WWOX: variants seen among roughly 807,000 people sequenced by gnomAD.
The protein encoded by WWOX is WW domain containing oxidoreductase.
In WWOX, 69 loss-of-function variants were observed where a neutral mutation model predicts 46.2. The ratio of observed to expected loss-of-function variants is 1.49; its 90% CI spans 1.23 to 1.82. The LOEUF (loss-of-function observed/expected upper bound fraction) is 1.82. Among genes scored for constraint, WWOX ranks in the 40% most tolerant of loss-of-function variants. WWOX has a pLI of 0.00. For synonymous variants in WWOX, 359 were observed against 202.6 expected (o/e 1.77, Z -6.56); for missense variants, 919 against 542.6 (o/e 1.69, Z -6.89).
intron 5 of WWOX, among the ~76,000 whole-genome samples, chr16:78,365,894 A>G (rs1168805714): frequency 2.0e-5 from 3 of 152,054 alleles, no homozygotes; most frequent in African/African-American, 2.4e-5. Flanking sequence ...TTATTTTGTT[A>G]TTGTTGTTTT....
intron 8 of WWOX, among the ~76,000 whole-genome samples, chr16:78,633,491 T>C (rs1299956269): frequency 1.3e-5 from 2 of 152,180 alleles, no homozygotes; most frequent in East Asian, 1.9e-4. Context: ...TTCAGAACTT[T>C]GGTTAGGTCC....
At position 78,488,539 on chromosome 16, in the gene WWOX, G is replaced by C. The variant is rs1353894771; in HGVS notation, c.1056+55787G>C. ...CCATTGTGGCATCTGCACATGAGCA[G>C]ACTGACTGCTTTTTGGCCCTACCTG... On this transcript the variant is annotated intron_variant, in intron 8 of 8. Transcript: ENST00000566780. Among the ~76,000 whole-genome samples the C allele has an allele frequency of 2.0e-5, 3 of 152,168 alleles. No homozygotes were observed. In the East Asian group the frequency reaches 5.8e-4, roughly 29 times the overall value.
At position 79,160,451 on chromosome 16, in the gene WWOX, T is replaced by C. The variant is rs57725330; in HGVS notation, c.1057-51157T>C. Among the ~76,000 whole-genome samples the C allele has an allele frequency of 3.0e-3, 454 of 152,082 alleles. 2 individuals are homozygous for C. Among genetic ancestry groups the C allele is most frequent in the African/African-American group, 0.01 (432 of 41,458 alleles). Reference sequence around the variant, plus strand: ...GATCTCATCATCTGTAAAACAGAGATCAGATGAACCCTCGATATTAATATC... The same window carrying C: ...GATCTCATCATCTGTAAAACAGAGACCAGATGAACCCTCGATATTAATATC... On this transcript the variant is annotated intron_variant, in intron 8 of 8. Transcript: ENST00000566780.
intron 8 of WWOX, among the ~76,000 whole-genome samples, chr16:78,506,338 C>T (rs1259800895): frequency 6.6e-6 from 1 of 152,170 alleles, no homozygotes; most frequent in Admixed American, 6.5e-5. Flanking sequence ...CTTAGCCACT[C>T]TATAAAAATG....
intron 8 of WWOX, chr16:79,004,870 T>C (rs1430859561): frequency 6.6e-6 from 1 of 152,216 alleles, no homozygotes; most frequent in African/African-American, 2.4e-5. Context: ...TGTGAGATTT[T>C]ATTATTTGTA....
chr16:79,090,010 G>A (rs1200202944), intron 8 of WWOX: 1 of 152,146 alleles, frequency 6.6e-6, no homozygotes, highest in East Asian at 1.9e-4. Flanking sequence ...AAGCGGTTAA[G>A]GAACTGGCTT....
At chr16:79,193,758 A>AT (rs1445740940) in intron 8 of WWOX, among the ~76,000 whole-genome samples, 3 of 152,204 alleles carry the variant, frequency 2.0e-5, no homozygotes, top group Non-Finnish European at 4.4e-5. Flanking sequence ...GGATACCTGA[A>AT]GATTGCAAAG....
At chr16:78,615,067 C>T (rs2045988707) in intron 8 of WWOX, among the ~76,000 whole-genome samples, 1 of 152,102 alleles carries the variant, frequency 6.6e-6, no homozygotes, top group Non-Finnish European at 1.5e-5. Context: ...AGGGGGTGTT[C>T]CTGAGTCTGG....
intron 8 of WWOX, among the ~76,000 whole-genome samples, chr16:78,852,024 C>G (rs1382620809): frequency 6.6e-6 from 1 of 152,082 alleles, no homozygotes; most frequent in Non-Finnish European, 1.5e-5. Flanking sequence ...AATACTGGCC[C>G]CACAATCAAG....
chr16:79,070,227 A>G (rs2048523085), intron 8 of WWOX, among the ~76,000 whole-genome samples: 1 of 151,824 alleles, frequency 6.6e-6, no homozygotes, highest in African/African-American at 2.4e-5. Context: ...TTGGTCTGAG[A>G]GAACATCATG....
chr16:78,119,786 A>G (rs1023700020), intron 4 of WWOX, among the ~76,000 whole-genome samples: 1 of 152,088 alleles, frequency 6.6e-6, no homozygotes, highest in Admixed American at 6.5e-5. Context: ...AGTATGAACA[A>G]ATTAGATATT....
At chr16:79,154,107 A>G (rs935330706) in intron 8 of WWOX, among the ~76,000 whole-genome samples, 3 of 152,188 alleles carry the variant, frequency 2.0e-5, no homozygotes, top group Non-Finnish European at 4.4e-5. Flanking sequence ...ATAGTCTTTT[A>G]AAAACAAGTT....
At chr16:78,599,923 T>C (rs1361257883) in intron 8 of WWOX, among the ~76,000 whole-genome samples, 1 of 152,120 alleles carries the variant, frequency 6.6e-6, no homozygotes, top group African/African-American at 2.4e-5. Context: ...GGGGGTGTAT[T>C]AGTCTGTTTC....
At position 78,469,414 on chromosome 16, in the gene WWOX, G is replaced by A. The variant is rs192409704; in HGVS notation, c.1056+36662G>A. On this transcript the variant is annotated intron_variant, in intron 8 of 8. Transcript: ENST00000566780. ...TCACAGGAGCACTTGGAGAAGGGCT[G>A]AAGGCAAACCAAAAGTGAGCAACAA... is the stretch of plus-strand genomic sequence containing the variant. Among the ~76,000 whole-genome samples, 535 of 152,214 alleles carry A rather than the reference G, an allele frequency of 3.5e-3. 1 individual carries two copies. Among genetic ancestry groups the A allele is most frequent in the African/African-American group, 0.013 (521 of 41,484 alleles).
intron 8 of WWOX, among the ~76,000 whole-genome samples, chr16:78,944,809 C>T (rs1389547045): frequency 6.6e-6 from 1 of 152,132 alleles, no homozygotes; most frequent in East Asian, 1.9e-4. Flanking sequence ...GGAGAGGTTC[C>T]TTGACATTCC....
At chr16:78,233,702 T>G (rs1291562254) in intron 5 of WWOX, among the ~76,000 whole-genome samples, 3 of 151,998 alleles carry the variant, frequency 2.0e-5, no homozygotes, top group African/African-American at 7.3e-5. Context: ...AATTTTTTTG[T>G]AGTTTTAGTA....
intron 8 of WWOX, among the ~76,000 whole-genome samples, chr16:78,570,654 T>C (rs926203960): frequency 1.3e-5 from 2 of 151,906 alleles, no homozygotes; most frequent in Admixed American, 1.3e-4. Context: ...AAGCCAGGCG[T>C]TTCTCAAGCT....
At chr16:78,230,386 C>T (rs1396006719) in intron 5 of WWOX, among the ~76,000 whole-genome samples, 1 of 152,180 alleles carries the variant, frequency 6.6e-6, no homozygotes, top group Non-Finnish European at 1.5e-5. Context: ...ACATGATGTA[C>T]ACAAGCATTT....
Position 78,560,926 on chromosome 16 carries a change from G to C in WWOX, c.1056+128174G>C, listed in dbSNP as rs907885189. 3.3e-5 allele frequency among the ~76,000 whole-genome samples: 5 copies of C among 152,164 alleles called. No individual in the cohort carries two copies. The East Asian group carries it at 7.7e-4, about 24-fold the overall frequency. On this transcript the variant is annotated intron_variant, in intron 8 of 8. Transcript: ENST00000566780. ...ACTTAGCAGTTCACATTCACATCTT[G>C]TTTATTAACTACAATTCTCTAGATC... is the stretch of plus-strand genomic sequence containing the variant.
Sources: allele counts gnomAD v4.1 joint callset (sites outside exome capture counted in the v4.1 genomes callset), GRCh38; gene constraint gnomAD v4.1.1; transcripts MANE v1.5; gene names NCBI Gene and HGNC (gene_info 2026-07-23, HGNC 2026-07-21).